FRMD5: variants seen among roughly 807,000 people sequenced by gnomAD.
FRMD5 encodes the protein FERM domain-containing protein 5.
FRMD5 carries 20 observed loss-of-function variants against 69.0 expected under a neutral mutation model. The observed-to-expected ratio is 0.29, with a 90% CI of 0.20 to 0.42. FRMD5 has a LOEUF of 0.42. Among genes scored for constraint, FRMD5 ranks in the 10% least tolerant of loss-of-function variants. The pLI is 1.00. For synonymous variants in FRMD5, 271 were observed against 260.1 expected, an observed-to-expected ratio of 1.04 and a Z score of -0.40; for missense variants, 595 against 708.6, an observed-to-expected ratio of 0.84 and a Z score of 1.82.
intron 1 of FRMD5, among the ~76,000 whole-genome samples, chr15:44,158,922 T>A (rs553407827): frequency 8.5e-5 from 13 of 152,098 alleles, no homozygotes; most frequent in African/African-American, 2.7e-4. Flanking sequence ...AATCACAATA[T>A]CATGGGCAAG....
intron 11 of FRMD5, chr15:43,885,114 A>G: frequency 3.5e-6 from 1 of 289,464 alleles, no homozygotes; most frequent in Non-Finnish European, 6.5e-6. Context: ...AGACAGTGAG[A>G]CATGAATCAC....
chr15:44,149,159 T>C (rs1418218128), intron 1 of FRMD5, among the ~76,000 whole-genome samples: 7 of 152,238 alleles, frequency 4.6e-5, no homozygotes, highest in South Asian at 2.1e-4. Context: ...CTGTAAAGCA[T>C]AGTTTTTATG....
At chr15:44,157,390 C>T (rs1367290406) in intron 1 of FRMD5, among the ~76,000 whole-genome samples, 1 of 152,148 alleles carries the variant, frequency 6.6e-6, no homozygotes, top group South Asian at 2.1e-4. Context: ...TCAGACTGCT[C>T]TTTAAATAAC....
chr15:44,035,649 A>C (rs1293376964), intron 1 of FRMD5, among the ~76,000 whole-genome samples: 1 of 152,192 alleles, frequency 6.6e-6, no homozygotes, highest in East Asian at 1.9e-4. Flanking sequence ...AGAAGTAATA[A>C]AATTTGGAGA....
chr15:44,198,602 T>TGGGCAGAA (rs2078324822), upstream of FRMD5, among the ~76,000 whole-genome samples: 1 of 151,448 alleles, frequency 6.6e-6, no homozygotes, highest in Non-Finnish European at 1.5e-5. Flanking sequence ...AAAACCAAAC[T>TGGGCAGAA]GAATTTTGGG....
At chr15:44,082,986 C>T (rs1566937089) in intron 1 of FRMD5, among the ~76,000 whole-genome samples, 1 of 151,904 alleles carries the variant, frequency 6.6e-6, no homozygotes, top group Non-Finnish European at 1.5e-5. Flanking sequence ...AATTATGAAC[C>T]TAAATTTCAC....
rs146464854 is a variant in FRMD5, at chr15:44,125,347, T to C, written c.102+69606A>G. ...TAATTTACTATTTCATCCTCATCTA[T>C]GGGTCTTTCATTCTATCAGAGAAGA... On this transcript the variant is annotated intron_variant, in intron 1 of 13. Coordinates refer to ENST00000417257, the MANE Select transcript of FRMD5 (RefSeq NM_032892.5). Among the ~76,000 whole-genome samples, 106 of 152,258 alleles carry C rather than the reference T, an allele frequency of 7.0e-4. 1 individual carries two copies. Among genetic ancestry groups the C allele is most frequent in the African/African-American group, 2.5e-3 (103 of 41,554 alleles).
intron 1 of FRMD5, among the ~76,000 whole-genome samples, chr15:44,013,177 C>T (rs903625960): frequency 3.3e-5 from 5 of 152,064 alleles, no homozygotes; most frequent in African/African-American, 9.7e-5. Flanking sequence ...CTGCTTGAGG[C>T]GAGGAGTTTA....
At chr15:43,986,627 G>A (rs962139630) in intron 1 of FRMD5, among the ~76,000 whole-genome samples, 1 of 152,080 alleles carries the variant, frequency 6.6e-6, no homozygotes, top group Non-Finnish European at 1.5e-5. Context: ...AAGGGAGTAT[G>A]ATGACAATTC....
rs183400513 is a variant in FRMD5 at position 44,068,386 on chromosome 15, T to C, written c.102+126567A>G. Among the ~76,000 whole-genome samples, 21 of 152,324 alleles carry C rather than the reference T, an allele frequency of 1.4e-4. No homozygotes were observed. In the East Asian group the frequency reaches 2.3e-3, roughly 17 times the overall value. ...GAGTAAAGAAAATGTGGGATATCCA[T>C]ATAATTGAATATTATTTGCCATAAA... On this transcript the variant is annotated intron_variant, in intron 1 of 13. Transcript: ENST00000417257.
In FRMD5 at chr15:44,187,165, G is replaced by A. The variant is rs76482179; in HGVS notation, c.102+7788C>T. On this transcript the variant is annotated intron_variant, in intron 1 of 13. Transcript: ENST00000417257. The stretch of plus-strand genomic sequence containing the variant: ...ATGATTAAACTGATCCTGAAGAGAA[G>A]AGTCCTCTTGGAAATAAAATTCATA... Among the ~76,000 whole-genome samples the A allele has an allele frequency of 3.6e-3, 548 of 152,310 alleles. 1 individual carries two copies. The highest frequency in any genetic ancestry group is 0.013 in the African/African-American group (530 of 41,568).
intron 4 of FRMD5, among the ~76,000 whole-genome samples, chr15:43,915,859 G>A (rs1201273109): frequency 6.6e-6 from 1 of 152,222 alleles, no homozygotes; most frequent in Non-Finnish European, 1.5e-5. Context: ...AGCTAAATTA[G>A]TTTGGCAGCA....
intron 1 of FRMD5, among the ~76,000 whole-genome samples, chr15:43,946,192 G>T (rs1441990385): frequency 6.6e-6 from 1 of 152,122 alleles, no homozygotes; most frequent in East Asian, 1.9e-4. Context: ...CAAAGCTCTT[G>T]ACTGTTCTAA....
intron 1 of FRMD5, among the ~76,000 whole-genome samples, chr15:44,011,302 A>T (rs1890709930): frequency 6.6e-6 from 1 of 151,600 alleles, no homozygotes; most frequent in Non-Finnish European, 1.5e-5. Context: ...ATACGGTAGT[A>T]GTGAAGTTTG....
chr15:43,951,730 T>C (rs146312217), intron 1 of FRMD5, among the ~76,000 whole-genome samples: 25 of 152,320 alleles, frequency 1.6e-4, no homozygotes, highest in African/African-American at 6.0e-4. Flanking sequence ...CTACTTAGGA[T>C]AGCTCTTGTT....
chr15:44,081,316 T>C (rs191382388), intron 1 of FRMD5, among the ~76,000 whole-genome samples: 3 of 152,288 alleles, frequency 2.0e-5, no homozygotes, highest in African/African-American at 7.2e-5. Flanking sequence ...TTTCTGTCTT[T>C]ACTGACTGCT....
intron 1 of FRMD5, among the ~76,000 whole-genome samples, chr15:44,165,971 T>C (rs757493120): frequency 2.0e-5 from 3 of 152,160 alleles, no homozygotes; most frequent in Non-Finnish European, 2.9e-5. Flanking sequence ...CTAATGAACA[T>C]CTTGGTATAA....
chr15:44,168,075 G>A (rs1304955126), intron 1 of FRMD5, among the ~76,000 whole-genome samples: 3 of 152,128 alleles, frequency 2.0e-5, no homozygotes, highest in Non-Finnish European at 4.4e-5. Flanking sequence ...TCAATAAATG[G>A]ATAACCAATC....
chr15:44,085,059 C>T (rs570883713), intron 1 of FRMD5, among the ~76,000 whole-genome samples: 7 of 152,250 alleles, frequency 4.6e-5, no homozygotes, highest in African/African-American at 1.2e-4. Context: ...TGTTCCCCTA[C>T]GTACAAACTT....
Sources: allele counts gnomAD v4.1 joint callset (sites outside exome capture counted in the v4.1 genomes callset), GRCh38; gene constraint gnomAD v4.1.1; transcripts MANE v1.5; gene names NCBI Gene and HGNC (gene_info 2026-07-23, HGNC 2026-07-21).